The following ANK3 variants were observed in gnomAD, a reference collection of about 807,000 sequenced individuals.
ANK3 encodes the protein ankyrin 3, also known as ankyrin-3.
In ANK3, 57 loss-of-function variants were observed where a neutral mutation model predicts 370.9. The ratio of observed to expected loss-of-function variants is 0.15; its 90% CI spans 0.12 to 0.19. The LOEUF (loss-of-function observed/expected upper bound fraction) is 0.19, where lower values mean the gene tolerates loss of function less well. Ranked by LOEUF, ANK3 falls within the 10% of genes least tolerant of loss-of-function variation. The pLI is 1.00. For synonymous variants in ANK3, 1,929 were observed against 1,946.3 expected, an observed-to-expected ratio of 0.99 and a Z score of 0.23; for missense variants, 4,439 against 5,302.1, an observed-to-expected ratio of 0.84 and a Z score of 5.06.
chr10:60,472,609 A>G (rs936754986), intron 2 of ANK3, among the ~76,000 whole-genome samples: 1 of 152,182 alleles, frequency 6.6e-6, no homozygotes, highest in Admixed American at 6.6e-5. Flanking sequence ...GCATTTTATA[A>G]ACTTATCAGA....
At chr10:60,266,341 A>T (rs2097879136) in intron 5 of ANK3, among the ~76,000 whole-genome samples, 6 of 152,216 alleles carry the variant, frequency 3.9e-5, no homozygotes, top group African/African-American at 1.4e-4. Flanking sequence ...AGGGAAAATT[A>T]ACAGAGATTT....
At chr10:60,207,228 G>C (rs1342616802) in intron 10 of ANK3, among the ~76,000 whole-genome samples, 1 of 152,158 alleles carries the variant, frequency 6.6e-6, no homozygotes, top group Non-Finnish European at 1.5e-5. Context: ...GAATTTTAGA[G>C]CCCACAGAGT....
rs533319625 is a variant in ANK3 at position 60,242,316 on chromosome 10, G to A, written c.799-7530C>T. Among the ~76,000 whole-genome samples, 26 of 152,042 alleles carry A rather than the reference G, an allele frequency of 1.7e-4. No homozygotes were observed. In the Middle Eastern group the frequency reaches 0.014, roughly 80 times the overall value. Reference sequence around the variant, plus strand: ...TATTCCTTTACAACTTCATCACACCGCTCTACAGTAATATATGGTATTATA... The same window carrying A: ...TATTCCTTTACAACTTCATCACACCACTCTACAGTAATATATGGTATTATA... On this transcript the variant is annotated intron_variant, in intron 7 of 43. Coordinates refer to ENST00000280772, the MANE Select transcript of ANK3 (RefSeq NM_020987.5).
chr10:60,251,638 A>G (rs927344800), intron 7 of ANK3, among the ~76,000 whole-genome samples: 1 of 152,212 alleles, frequency 6.6e-6, no homozygotes, highest in African/African-American at 2.4e-5. Context: ...CACAGAGGTC[A>G]TCAGCAAGTA....
At chr10:60,126,115 G>A (rs1391685605) in intron 25 of ANK3, among the ~76,000 whole-genome samples, 2 of 152,152 alleles carry the variant, frequency 1.3e-5, no homozygotes, top group African/African-American at 4.8e-5. Flanking sequence ...TGCAACTGTT[G>A]ACATCATAGT....
intron 1 of ANK3, among the ~76,000 whole-genome samples, chr10:60,618,891 C>A (rs757221727): frequency 6.6e-6 from 1 of 152,064 alleles, no homozygotes; most frequent in Non-Finnish European, 1.5e-5. Flanking sequence ...CTGTGCTACT[C>A]TAGGACAATT....
chr10:60,159,724 T>G (rs1030674032), intron 23 of ANK3, among the ~76,000 whole-genome samples: 25 of 152,174 alleles, frequency 1.6e-4, no homozygotes, highest in Non-Finnish European at 3.7e-4. Flanking sequence ...GTCTCTTTTC[T>G]GACCACGATG....
chr10:60,114,269 G>A lies in ANK3; in HGVS notation c.2904C>T (p.Asp968=). ...DSLRHYSWAA[D]TLDNVNLVSS... is the part of the protein sequence containing the mutation. ...AAACAAGATTGACATTGTCTAAGGTGTCTGCAGCCCAGCTGTAATGTCTAA... is the reference window on the plus strand; with the variant it reads ...AAACAAGATTGACATTGTCTAAGGTATCTGCAGCCCAGCTGTAATGTCTAA... The change falls in exon 26 of 44, where the codon GAC becomes GAT. Residue 968 remains aspartate, a synonymous_variant. Transcript: ENST00000280772. 6.2e-7 allele frequency: 1 copy of A among 1,609,642 alleles called. No individual in the cohort carries two copies. The highest frequency in any genetic ancestry group is 2.2e-5 in the East Asian group (1 of 44,496).
At chr10:60,709,827 C>CA (rs370504421) in intron 1 of ANK3, among the ~76,000 whole-genome samples, 5,236 of 71,236 alleles carry the variant, frequency 0.074, 111 homozygotes, top group Non-Finnish European at 0.11. Flanking sequence ...GACCCCATCT[C>CA]AAAAAAAAAA....
intron 24 of ANK3, among the ~76,000 whole-genome samples, chr10:60,136,362 A>G (rs1032065768): frequency 1.3e-5 from 2 of 152,164 alleles, no homozygotes; most frequent in Non-Finnish European, 2.9e-5. Flanking sequence ...TGGCTACATT[A>G]TTAGTGCAGC....
chr10:60,436,111 A>T (rs889854172), intron 2 of ANK3, among the ~76,000 whole-genome samples: 1 of 151,250 alleles, frequency 6.6e-6, no homozygotes, highest in Admixed American at 6.6e-5. Flanking sequence ...ATAAATAAAT[A>T]AAAAAAATAA....
intron 14 of ANK3, among the ~76,000 whole-genome samples, chr10:60,197,723 C>T (rs1178884038): frequency 6.6e-6 from 1 of 152,154 alleles, no homozygotes; most frequent in Non-Finnish European, 1.5e-5. Flanking sequence ...GGAAGATGCG[C>T]CACAAGCCAA....
rs374018159 is a variant in ANK3, at chr10:60,660,382, TC to T, written c.58-45159del. On this transcript the variant is annotated intron_variant, in intron 1 of 43. Coordinates refer to the ANK3 transcript ENST00000373827. ...CTCCCCTCAATCAGGTGAGATACTG[TC>T]ATACTTATCACTAAGTAAAACACCT... Among the ~76,000 whole-genome samples, 17 of 152,276 alleles carry T rather than the reference TC, an allele frequency of 1.1e-4. No individual in the cohort carries two copies. In the South Asian group the frequency reaches 3.3e-3, roughly 30 times the overall value.
At chr10:60,605,597 C>G (rs1211540189) in intron 2 of ANK3, among the ~76,000 whole-genome samples, 2 of 152,048 alleles carry the variant, frequency 1.3e-5, no homozygotes, top group Non-Finnish European at 2.9e-5. Context: ...TCCAGGCCAC[C>G]AAGGAACAAA....
chr10:60,700,390 G>A lies in ANK3; in HGVS notation c.57+32873C>T, dbSNP rs150027147. On this transcript the variant is annotated intron_variant, in intron 1 of 43. Coordinates refer to the ANK3 transcript ENST00000373827. ...TAAAACACACTTTAAGGATAGGAACGTATACAAACTGGAAATTTTTTTAAG... is the reference window on the plus strand; with the variant it reads ...TAAAACACACTTTAAGGATAGGAACATATACAAACTGGAAATTTTTTTAAG... 1.8e-3 allele frequency among the ~76,000 whole-genome samples: 269 copies of A among 152,164 alleles called. 2 individuals carry two copies. The highest frequency in any genetic ancestry group is 6.2e-3 in the African/African-American group (258 of 41,520).
chr10:60,606,363 T>A (rs1227442826), intron 2 of ANK3, among the ~76,000 whole-genome samples: 4 of 152,108 alleles, frequency 2.6e-5, no homozygotes, highest in African/African-American at 7.2e-5. Context: ...ATTTTTTTTT[T>A]AAAGTACACA....
intron 1 of ANK3, among the ~76,000 whole-genome samples, chr10:60,696,385 C>T (rs1248989572): frequency 6.7e-6 from 1 of 149,462 alleles, no homozygotes; most frequent in Admixed American, 6.7e-5. Context: ...AGAGGGAATC[C>T]TCCCTAACTC....
At chr10:60,349,790 T>C (rs2056484466) in intron 1 of ANK3, among the ~76,000 whole-genome samples, 2 of 152,172 alleles carry the variant, frequency 1.3e-5, no homozygotes, top group Admixed American at 1.3e-4. Context: ...TAGGCACAAA[T>C]ATTCATGGAA....
intron 1 of ANK3, among the ~76,000 whole-genome samples, chr10:60,627,033 T>C (rs902385994): frequency 3.3e-5 from 5 of 151,924 alleles, no homozygotes; most frequent in African/African-American, 1.2e-4. Flanking sequence ...GGATTTGCCA[T>C]ATTTAGGGAG....
Sources: gnomAD v4.1 joint callset for allele counts (sites outside exome capture counted in the v4.1 genomes callset) on GRCh38, gnomAD v4.1.1 for gene constraint, MANE v1.5 for transcripts, NCBI Gene and HGNC (gene_info 2026-07-23, HGNC 2026-07-21) for gene names.